ADAMTS17: variants seen among roughly 807,000 people sequenced by gnomAD.
ADAMTS17 encodes ADAM metallopeptidase with thrombospondin type 1 motif 17.
In ADAMTS17, 113 loss-of-function variants were observed where a neutral mutation model predicts 141.5. That is an observed-to-expected ratio of 0.80 (90% CI 0.69 to 0.93). ADAMTS17 has a LOEUF of 0.93. ADAMTS17 is among the 40% of genes least tolerant of loss of function. ADAMTS17 has a pLI of 0.00. For synonymous variants in ADAMTS17, 768 were observed against 630.6 expected, an observed-to-expected ratio of 1.22 and a Z score of -3.27; for missense variants, 1,659 against 1,517.9, an observed-to-expected ratio of 1.09 and a Z score of -1.54.
chr15:100,095,440 C>T (rs549787171), intron 15 of ADAMTS17, among the ~76,000 whole-genome samples: 15 of 152,224 alleles, frequency 9.9e-5, no homozygotes, highest in Admixed American at 5.2e-4. Flanking sequence ...CCTCACCTTA[C>T]GGGGCTGTTC....
intron 8 of ADAMTS17, among the ~76,000 whole-genome samples, chr15:100,177,170 G>T (rs770073381): frequency 3.3e-5 from 5 of 152,206 alleles, no homozygotes; most frequent in Non-Finnish European, 5.9e-5. Flanking sequence ...AGTTTTAAAA[G>T]GAACTTTTCC....
intron 3 of ADAMTS17, among the ~76,000 whole-genome samples, chr15:100,287,592 C>T (rs980048464): frequency 2.0e-5 from 3 of 152,158 alleles, no homozygotes; most frequent in Non-Finnish European, 4.4e-5. Flanking sequence ...ATCAGATTCT[C>T]CAAGGTTGAC....
chr15:100,211,016 C>T (rs913467474), intron 7 of ADAMTS17, among the ~76,000 whole-genome samples: 6 of 151,780 alleles, frequency 4.0e-5, no homozygotes, highest in African/African-American at 1.5e-4. Context: ...AGGAGAATGG[C>T]GTGAATCTGG....
rs143514003 is a variant in ADAMTS17, at chr15:100,122,743, A to G, written c.1722-5730T>C. 2.6e-3 allele frequency among the ~76,000 whole-genome samples: 393 copies of G among 152,310 alleles called. 1 individual carries two copies. The highest frequency in any genetic ancestry group is 2.0e-3 in the Non-Finnish European group (137 of 68,034). ...AAGAAAATCATAAGGAAGAGAAAAT[A>G]TATTTCCTACTCATTAAGTGGAAGT... On this transcript the variant is annotated intron_variant, in intron 12 of 21. Coordinates refer to ENST00000268070, the MANE Select transcript of ADAMTS17 (RefSeq NM_139057.4).
chr15:100,235,339 G>A (rs1160440221), intron 7 of ADAMTS17, among the ~76,000 whole-genome samples: 1 of 152,134 alleles, frequency 6.6e-6, no homozygotes, highest in African/African-American at 2.4e-5. Flanking sequence ...CTGGGCACCT[G>A]GCTTTCCTGA....
chr15:100,214,633 G>A (rs1241839191), intron 7 of ADAMTS17, among the ~76,000 whole-genome samples: 3 of 152,088 alleles, frequency 2.0e-5, no homozygotes, highest in South Asian at 2.1e-4. Flanking sequence ...CACTTTTATT[G>A]GCCACTTCTT....
chr15:100,016,021 G>A (rs1409350602), intron 18 of ADAMTS17, among the ~76,000 whole-genome samples: 1 of 152,152 alleles, frequency 6.6e-6, no homozygotes. Flanking sequence ...AGGTTTGGTT[G>A]TTTAACATAA....
chr15:100,299,266 C>A (rs2044937366), intron 3 of ADAMTS17, among the ~76,000 whole-genome samples: 1 of 151,574 alleles, frequency 6.6e-6, no homozygotes, highest in African/African-American at 2.4e-5. Context: ...ATGAGGCAGG[C>A]CACCTTTGCA....
chr15:100,294,001 G>A (rs530845467), intron 3 of ADAMTS17, among the ~76,000 whole-genome samples: 16 of 152,260 alleles, frequency 1.1e-4, no homozygotes, highest in African/African-American at 3.4e-4. Flanking sequence ...TCTGCCCATG[G>A]ACTTCCAGGG....
At chr15:100,096,680 C>A (rs73476448) in intron 14 of ADAMTS17, among the ~76,000 whole-genome samples, 2 of 150,248 alleles carry the variant, frequency 1.3e-5, no homozygotes, top group Admixed American at 1.3e-4. Context: ...TGTCTTTATA[C>A]CCGCATAGCT....
rs181142942 is a variant in ADAMTS17 at position 100,151,900 on chromosome 15, G to A, written c.1473+712C>T. Among the ~76,000 whole-genome samples the A allele has an allele frequency of 6.9e-4, 105 of 152,326 alleles. 1 individual carries two copies. Among genetic ancestry groups the A allele is most frequent in the African/African-American group, 2.3e-3 (97 of 41,564 alleles). On this transcript the variant is annotated intron_variant, in intron 10 of 21. Transcript: ENST00000268070. ...TTGCTGTTTGCATCATGGTGAAAACGTGTGCAATCAGGGGTGAATGAGACT... is the reference window on the plus strand; with the variant it reads ...TTGCTGTTTGCATCATGGTGAAAACATGTGCAATCAGGGGTGAATGAGACT...
At chr15:100,286,898 C>T (rs558913098) in intron 3 of ADAMTS17, among the ~76,000 whole-genome samples, 1 of 152,272 alleles carries the variant, frequency 6.6e-6, no homozygotes, top group East Asian at 1.9e-4. Context: ...CAAAATGATA[C>T]AGGAGCTAAA....
chr15:100,126,077 G>C (rs59315812), intron 12 of ADAMTS17: 19,338 of 152,284 alleles, frequency 0.13, 1,545 homozygotes, highest in East Asian at 0.39. Context: ...GTCAGAGCTT[G>C]GCTCTGAGGC....
At chr15:100,062,640 A>G (rs1181955156) in intron 15 of ADAMTS17, among the ~76,000 whole-genome samples, 1 of 152,212 alleles carries the variant, frequency 6.6e-6, no homozygotes, top group Non-Finnish European at 1.5e-5. Flanking sequence ...AATCAGTGAT[A>G]AAAATGGAAA....
At chr15:99,981,437 G>C (rs755125678) in intron 20 of ADAMTS17, among the ~76,000 whole-genome samples, 37 of 152,196 alleles carry the variant, frequency 2.4e-4, no homozygotes, top group Non-Finnish European at 5.9e-5. Flanking sequence ...ATCAGAATTA[G>C]GGTTTGCTTA....
intron 3 of ADAMTS17, among the ~76,000 whole-genome samples, chr15:100,303,707 A>ATTTAT (rs571899626): frequency 1.3e-5 from 2 of 152,018 alleles, no homozygotes; most frequent in Non-Finnish European, 2.9e-5. Flanking sequence ...CTTTTTTAAA[A>ATTTAT]TTTATTTTAT....
At chr15:100,246,857 G>T (rs531976310) in intron 7 of ADAMTS17, among the ~76,000 whole-genome samples, 1 of 134,212 alleles carries the variant, frequency 7.5e-6, no homozygotes, top group Admixed American at 7.5e-5. Context: ...CAAGTGGTTT[G>T]CCCTTTTATT....
chr15:100,140,484 CATACATAT>C (rs1360385245), intron 10 of ADAMTS17, among the ~76,000 whole-genome samples: 9 of 40,896 alleles, frequency 2.2e-4, no homozygotes, highest in African/African-American at 3.6e-4. Flanking sequence ...CACACACATA[CATACATAT>C]ATATATATAT....
At chr15:100,319,720 A>G (rs144125669) in intron 3 of ADAMTS17, among the ~76,000 whole-genome samples, 1 of 152,226 alleles carries the variant, frequency 6.6e-6, no homozygotes, top group African/African-American at 2.4e-5. Context: ...GAGAAAAAGA[A>G]AAGAAATTCA....
Sources: gnomAD v4.1 joint callset for allele counts (sites outside exome capture counted in the v4.1 genomes callset) on GRCh38, gnomAD v4.1.1 for gene constraint, MANE v1.5 for transcripts, NCBI Gene and HGNC (gene_info 2026-07-23, HGNC 2026-07-21) for gene names.